Variants in SPMIP2 observed in about 807,000 individuals in gnomAD.
SPMIP2 encodes the protein sperm microtubule inner protein 2, also known as protein SPMIP2.
the SPMIP2 span, among the ~76,000 whole-genome samples, chr4:158,947,196 C>T: frequency 2.0e-5 from 3 of 152,160 alleles, no homozygotes; most frequent in South Asian, 4.1e-4. Context: ...ATCCCTCCAA[C>T]GTGCCAGGCA....
chr4:158,953,688 G>T, the SPMIP2 span, among the ~76,000 whole-genome samples: 4 of 152,184 alleles, frequency 2.6e-5, no homozygotes, highest in Non-Finnish European at 5.9e-5. Flanking sequence ...AAAGCAGCTG[G>T]GAGGGAGACT....
the SPMIP2 span, among the ~76,000 whole-genome samples, chr4:158,974,459 GC>G: frequency 1.3e-5 from 2 of 149,326 alleles, no homozygotes; most frequent in Admixed American, 6.7e-5. Flanking sequence ...CCATCCCCTT[GC>G]CCCCCACCCG....
At chr4:158,898,632 C>G in the SPMIP2 span, among the ~76,000 whole-genome samples, 6 of 152,126 alleles carry the variant, frequency 3.9e-5, no homozygotes, top group South Asian at 8.3e-4. Context: ...TGATTTGGCT[C>G]TCTGTCTGTT....
the SPMIP2 span, among the ~76,000 whole-genome samples, chr4:159,003,285 TTCATAATAGGC>T: frequency 6.6e-6 from 1 of 152,188 alleles, no homozygotes; most frequent in Non-Finnish European, 1.5e-5. Context: ...TGAACCCTAT[TTCATAATAGGC>T]TCATAACCTT....
the SPMIP2 span, among the ~76,000 whole-genome samples, chr4:158,974,151 A>G: frequency 1.3e-5 from 2 of 152,106 alleles, no homozygotes; most frequent in Non-Finnish European, 2.9e-5. Flanking sequence ...TGAAAAATGG[A>G]GAAAATTGTT....
chr4:158,954,673 G>A, the SPMIP2 span, among the ~76,000 whole-genome samples: 3 of 152,140 alleles, frequency 2.0e-5, no homozygotes, highest in South Asian at 2.1e-4. Flanking sequence ...AGTTTTTCTC[G>A]AGTTCAATGA....
At chr4:158,933,132 T>C in the SPMIP2 span, among the ~76,000 whole-genome samples, 1 of 152,198 alleles carries the variant, frequency 6.6e-6, no homozygotes, top group African/African-American at 2.4e-5. Flanking sequence ...GCCTCCCAAG[T>C]AGCTGGGATT....
the SPMIP2 span, among the ~76,000 whole-genome samples, chr4:159,048,435 C>T: frequency 2.0e-5 from 3 of 152,094 alleles, no homozygotes; most frequent in African/African-American, 7.2e-5. Flanking sequence ...AGAAGTTGCA[C>T]TGTATTAGGC....
chr4:158,905,888 C>T, the SPMIP2 span: 2 of 152,162 alleles, frequency 1.3e-5, no homozygotes, highest in African/African-American at 4.8e-5. Flanking sequence ...GTTAACCAGG[C>T]TCTGATTCCC....
the SPMIP2 span, among the ~76,000 whole-genome samples, chr4:158,988,119 C>T: frequency 7.6e-4 from 115 of 152,058 alleles, no homozygotes; most frequent in African/African-American, 2.5e-3. Context: ...AACAGCTGTA[C>T]GCAAATAAAC....
At chr4:158,949,034 ATTT>A in the SPMIP2 span, among the ~76,000 whole-genome samples, 1 of 151,632 alleles carries the variant, frequency 6.6e-6, no homozygotes, top group Non-Finnish European at 1.5e-5. Context: ...CTGATCTCTT[ATTT>A]TTTCTCTTCT....
chr4:158,931,010 C>T, the SPMIP2 span, among the ~76,000 whole-genome samples: 2 of 152,136 alleles, frequency 1.3e-5, no homozygotes, highest in East Asian at 3.9e-4. Context: ...ATTCTTTCTT[C>T]CCTTGTCTCT....
the SPMIP2 span, among the ~76,000 whole-genome samples, chr4:159,079,986 C>A: frequency 6.6e-6 from 1 of 152,084 alleles, no homozygotes; most frequent in Admixed American, 6.5e-5. Context: ...TCAAAATGAT[C>A]TTTTGCTTTA....
chr4:159,035,233 T>C, the SPMIP2 span: 17 of 651,602 alleles, frequency 2.6e-5, no homozygotes, highest in African/African-American at 1.6e-4. Flanking sequence ...TGCTAATGAC[T>C]CTTTATGACA....
At chr4:159,035,057 CAGT>C in the SPMIP2 span, 1 of 1,613,170 alleles carries the variant, frequency 6.2e-7, no homozygotes, top group Non-Finnish European at 8.5e-7. Flanking sequence ...TGTTTTCCCA[CAGT>C]AGTAGATGTT....
At chr4:158,940,472 G>C in the SPMIP2 span, among the ~76,000 whole-genome samples, 7 of 151,198 alleles carry the variant, frequency 4.6e-5, no homozygotes, top group African/African-American at 1.7e-4. Context: ...TCTTTTTGTG[G>C]TTTTGGCAGC....
At chr4:159,007,419 T>G in the SPMIP2 span, 1 of 667,042 alleles carries the variant, frequency 1.5e-6, no homozygotes, top group East Asian at 3.5e-5. Flanking sequence ...GAGAAGGTCC[T>G]GTTCCTGCTT....
At chr4:158,901,127 AATTTTTT>A in the SPMIP2 span, among the ~76,000 whole-genome samples, 14 of 108,528 alleles carry the variant, frequency 1.3e-4, no homozygotes, top group Non-Finnish European at 2.2e-4. Flanking sequence ...TCTGGGTTGA[AATTTTTT>A]TTTTTTTTTT....
At chr4:159,052,748 C>T in the SPMIP2 span, among the ~76,000 whole-genome samples, 1 of 151,156 alleles carries the variant, frequency 6.6e-6, no homozygotes, top group Admixed American at 6.6e-5. Context: ...ATTCTCCTGC[C>T]TCAGCCTCCT....
Sources: gnomAD v4.1 joint callset for allele counts (sites outside exome capture counted in the v4.1 genomes callset) on GRCh38, gnomAD v4.1.1 for gene constraint, MANE v1.5 for transcripts, NCBI Gene and HGNC (gene_info 2026-07-23, HGNC 2026-07-21) for gene names.